Variants in SCARF2 observed in about 807,000 individuals in gnomAD.
SCARF2 encodes the protein scavenger receptor class F member 2.
In SCARF2, 39 loss-of-function variants were observed where a neutral mutation model predicts 73.4. The observed-to-expected ratio is 0.53, with a 90% CI of 0.41 to 0.69. The LOEUF is 0.69. SCARF2 is among the 30% of genes least tolerant of loss of function. SCARF2 has a pLI of 0.00. For synonymous variants in SCARF2, 605 were observed against 590.0 expected (o/e 1.03, Z -0.37); for missense variants, 1,148 against 1,303.5 (o/e 0.88, Z 1.84).
rs754068498 is a variant in SCARF2 at position 20,425,680 on chromosome 22, C to A, written c.2296G>T (p.Ala766Ser). 1 of 1,240,450 alleles carries A rather than the reference C, an allele frequency of 8.1e-7. No homozygotes were observed. Among genetic ancestry groups the A allele is most frequent in the Non-Finnish European group, 1.0e-6 (1 of 994,382 alleles). The allele number at this position is 1,240,450 out of a possible 1,614,324, so 76.8% of individuals were successfully genotyped here. A position where few individuals can be genotyped will look rare whatever the true frequency, so the allele number is the denominator to read the frequency against. ...AGCTCAGCGGCCAACATGGAGGCAGCCTCGGGCGCGCTTCGCGGGGGACCG... is the reference window on the plus strand; with the variant it reads ...AGCTCAGCGGCCAACATGGAGGCAGACTCGGGCGCGCTTCGCGGGGGACCG... ...AGGPPRSAPE[A>S]ASMLAAELRG... Residue 766 changes from alanine (A) to serine (S), a missense_variant, in exon 11 of 11, where the codon GCT becomes TCT. Coordinates refer to ENST00000622235, the MANE Select transcript of SCARF2 (RefSeq NM_182895.5). The surrounding 1 kb of genome is among the most constrained non-coding windows in gnomAD (Gnocchi z 4.6).
Position 20,429,589 on chromosome 22 carries a change from C to T in SCARF2, c.1371G>A (p.Leu457=). The change falls in exon 8 of 11, where the codon CTG becomes CTA. Residue 457 remains leucine, a synonymous_variant. Coordinates refer to ENST00000622235, the MANE Select transcript of SCARF2 (RefSeq NM_182895.5). The surrounding 1 kb of genome is among the most constrained non-coding windows in gnomAD (Gnocchi z 5.2). ...CGCAGCAGCAGCCGAGCAGCGAGAGCAGCAGGCAGACGAGCAGGACGAGCA... is the reference window on the plus strand; with the variant it reads ...CGCAGCAGCAGCCGAGCAGCGAGAGTAGCAGGCAGACGAGCAGGACGAGCA... ...GALLVLLVCL[L]LSLLGCCCAC... is the part of the protein sequence containing the mutation. The T allele has an allele frequency of 6.2e-7, 1 of 1,613,472 alleles. No individual in the cohort carries two copies. Among genetic ancestry groups the T allele is most frequent in the Non-Finnish European group, 8.5e-7 (1 of 1,179,912 alleles).
chr22:20,437,697 G>GC lies in SCARF2; in HGVS notation c.57dup (p.Pro20AlafsTer108). ...AGCGACGGCAGCAGCGGTGACGGCGGCCCCCCGGCTCCCCGGCGCCGCGCC... is the reference window on the plus strand; with the variant it reads ...AGCGACGGCAGCAGCGGTGACGGCGGCCCCCCCGGCTCCCCGGCGCCGCGCC... On this transcript the variant is annotated frameshift_variant, in exon 1 of 11. Transcript: ENST00000622235. LOFTEE classifies it high-confidence loss of function. The GC allele has an allele frequency of 2.7e-6, 4 of 1,462,288 alleles. No individual in the cohort carries two copies. The highest frequency in any genetic ancestry group is 3.0e-5 in the East Asian group (1 of 33,172). The allele number at this position is 1,462,288 out of a possible 1,614,324, so 90.6% of individuals were successfully genotyped here.
chr22:20,436,031 C>T (rs2146139520), intron 1 of SCARF2, among the ~76,000 whole-genome samples: 2 of 151,798 alleles, frequency 1.3e-5, no homozygotes, highest in South Asian at 4.2e-4. Context: ...TCCCATCGAC[C>T]CTTGCCACTC....
chr22:20,436,558 C>T (rs943638399), intron 1 of SCARF2, among the ~76,000 whole-genome samples: 7 of 152,068 alleles, frequency 4.6e-5, no homozygotes, highest in African/African-American at 9.7e-5. Context: ...CCCGCGCTGC[C>T]CCCTCGCAGC....
In SCARF2 at chr22:20,429,803, G is replaced by C. The variant is rs1026866059; in HGVS notation, c.1233C>G (p.His411Gln). The change falls in exon 7 of 11, where the codon CAC becomes CAG. Residue 411 changes from histidine (H) to glutamine (Q), a missense_variant. Around this residue, in one of 5 missense-constraint regions of SCARF2, gnomAD observed 372 missense variants for 532.0 expected, o/e 0.70. Coordinates refer to ENST00000622235, the MANE Select transcript of SCARF2 (RefSeq NM_182895.5). The surrounding 1 kb of genome is among the most constrained non-coding windows in gnomAD (Gnocchi z 5.2). Reference sequence around the variant, plus strand: ...TGCAGGCCTGAGCACAGTCCGCGCCGTGGAGTCCGGGCGGGCACGTCACGT... The same window carrying C: ...TGCAGGCCTGAGCACAGTCCGCGCCCTGGAGTCCGGGCGGGCACGTCACGT... The part of the protein sequence containing the change: ...HCNVTCPPGL[H>Q]GADCAQACSC... 1.1e-5 allele frequency: 17 copies of C among 1,613,242 alleles called. No homozygotes were observed. The highest frequency in any genetic ancestry group is 1.4e-5 in the Non-Finnish European group (17 of 1,179,854).
In SCARF2 at chr22:20,425,874, G is replaced by A; in HGVS notation, c.2102C>T (p.Pro701Leu). ...APSPSKRKRT[P>L]SDKSAHTVEH... The stretch of plus-strand genomic sequence containing the variant: ...GACCGTATGCGCCGATTTGTCGCTG[G>A]GCGTCCGTTTCCTCTTGCTGGGGCT... The change falls in exon 11 of 11, where the codon CCC becomes CTC. Residue 701 changes from proline (P) to leucine (L), a missense_variant. Transcript: ENST00000622235. This position sits in a 1 kb window ranked among gnomAD's most constrained non-coding sequence, Gnocchi z 4.6. 6.3e-7 allele frequency: 1 copy of A among 1,597,354 alleles called. No homozygotes were observed. The highest frequency in any genetic ancestry group is 1.1e-5 in the South Asian group (1 of 89,382).
intron 1 of SCARF2, 118 bp downstream of exon 1, chr22:20,437,464 G>A: frequency 1.3e-5 from 14 of 1,119,578 alleles, no homozygotes; most frequent in Non-Finnish European, 1.7e-5. Context: ...CTAGGGAGCC[G>A]AAGGGGCCCA....
At chr22:20,426,815 T>G (rs184033095) in intron 10 of SCARF2, among the ~76,000 whole-genome samples, 6 of 152,064 alleles carry the variant, frequency 3.9e-5, no homozygotes, top group African/African-American at 1.4e-4. Flanking sequence ...TAATCCCAGC[T>G]ACTCGGGAGG....
intron 1 of SCARF2, among the ~76,000 whole-genome samples, chr22:20,437,076 C>G (rs2052708376): frequency 6.6e-6 from 1 of 152,134 alleles, no homozygotes; most frequent in Non-Finnish European, 1.5e-5. Flanking sequence ...TCACCACCCT[C>G]CCACCCGCGC....
intron 9 of SCARF2, among the ~76,000 whole-genome samples, chr22:20,428,749 C>T (rs555877569): frequency 7.2e-5 from 11 of 152,208 alleles, no homozygotes; most frequent in Admixed American, 7.2e-4. Context: ...CACACCCCAC[C>T]CCCCTATCCT....
At position 20,429,112 on chromosome 22, in the gene SCARF2, C is replaced by A; in HGVS notation, c.1540+113G>T. The A allele has an allele frequency of 7.1e-7, 1 of 1,411,694 alleles. No individual in the cohort carries two copies. The highest frequency in any genetic ancestry group is 1.0e-6 in the Non-Finnish European group (1 of 1,004,198). 87.4% of individuals were successfully genotyped at this position (1,411,694 alleles called of 1,614,324 possible). ...ACCTCCTCGCGCCCACGCACATCAA[C>A]ACTCAAGGTCCCCCATTTCCTCACT... On this transcript the variant is annotated intron_variant, in intron 9 of 10. Coordinates refer to ENST00000622235, the MANE Select transcript of SCARF2 (RefSeq NM_182895.5). The surrounding 1 kb of genome is among the most constrained non-coding windows in gnomAD (Gnocchi z 5.2).
chr22:20,426,795 T>G (rs1276613029), intron 10 of SCARF2, among the ~76,000 whole-genome samples: 3 of 151,926 alleles, frequency 2.0e-5, no homozygotes, highest in African/African-American at 4.8e-5. Flanking sequence ...GGCGTGGTCG[T>G]GGGCGCCTGT....
intron 3 of SCARF2, 75 bp downstream of exon 3, chr22:20,431,670 G>GC: frequency 1.8e-4 from 93 of 526,436 alleles, no homozygotes; most frequent in South Asian, 3.8e-4. Context: ...ATCCGACCCC[G>GC]CCCCACCTTG....
At position 20,425,323 on chromosome 22, in the gene SCARF2, G is replaced by T; in HGVS notation, c.*52C>A. 7.6e-7 allele frequency: 1 copy of T among 1,308,606 alleles called. No homozygotes were observed. Among genetic ancestry groups the T allele is most frequent in the Non-Finnish European group, 9.8e-7 (1 of 1,018,836 alleles). 81.1% of individuals were successfully genotyped at this position (1,308,606 alleles called of 1,614,324 possible). A position where few individuals can be genotyped will look rare whatever the true frequency, so the allele number is the denominator to read the frequency against. On this transcript the variant is annotated 3_prime_UTR_variant, in exon 11 of 11. Coordinates refer to ENST00000622235, the MANE Select transcript of SCARF2 (RefSeq NM_182895.5). The surrounding 1 kb of genome is among the most constrained non-coding windows in gnomAD (Gnocchi z 4.6). The stretch of plus-strand genomic sequence containing the variant: ...CCGGTAGCGTGGGAGGTGTGGGGTG[G>T]CGGGCGGCGCTGCGAAGCTGAGGGA...
At position 20,429,669 on chromosome 22, in the gene SCARF2, G is replaced by A. The variant is rs1236344531; in HGVS notation, c.1307-16C>T. ...TGGTTGGTTTCTGTAGGGGGTTATG[G>A]GGTCAGCGCGGTTTCTGGCACCCCC... On this transcript the variant is annotated splice_polypyrimidine_tract_variant and intron_variant, in intron 7 of 10. Transcript: ENST00000622235. The surrounding 1 kb of genome is among the most constrained non-coding windows in gnomAD (Gnocchi z 5.2). 1 of 1,613,998 alleles carries A rather than the reference G, an allele frequency of 6.2e-7. No individual in the cohort carries two copies. The highest frequency in any genetic ancestry group is 8.5e-7 in the Non-Finnish European group (1 of 1,179,956).
At chr22:20,431,875 C>G in intron 2 of SCARF2, 29 bp from the exon 3 acceptor site, 1 of 1,596,078 alleles carries the variant, frequency 6.3e-7, no homozygotes, top group Non-Finnish European at 8.5e-7. Flanking sequence ...AGAGCTGCTG[C>G]GCGTCCTAGC....
Position 20,431,160 on chromosome 22 carries a change from C to A in SCARF2, c.712G>T (p.Ala238Ser). The change falls in exon 4 of 11, where the codon GCG (alanine) becomes TCG (serine). Residue 238 changes from alanine to serine, a missense_variant. Ala to Ser is a moderately conservative substitution (Grantham distance 99). Coordinates refer to ENST00000622235, the MANE Select transcript of SCARF2 (RefSeq NM_182895.5). ...CACTGGCAGTAGCGATCGCAGCGCG[C>A]GCCGAACGTACGCTCGCGGCACTGA... is the stretch of plus-strand genomic sequence containing the variant. ...RCQCRERTFGARCDRYCQCFR... is the reference protein window; with the variant it reads ...RCQCRERTFGSRCDRYCQCFR... 3.8e-6 allele frequency: 6 copies of A among 1,567,302 alleles called. No individual in the cohort carries two copies. Among genetic ancestry groups the A allele is most frequent in the Non-Finnish European group, 5.1e-6 (6 of 1,165,518 alleles).
chr22:20,425,108 C>G lies in SCARF2; in HGVS notation c.*267G>C, dbSNP rs1048586440. The G allele has an allele frequency of 2.6e-6, 1 of 383,166 alleles. No individual in the cohort carries two copies. Among genetic ancestry groups the G allele is most frequent in the Non-Finnish European group, 4.6e-6 (1 of 216,304 alleles). The allele number at this position is 383,166 out of a possible 1,614,324, so 23.7% of individuals were successfully genotyped here. A position where few individuals can be genotyped will look rare whatever the true frequency, so the allele number is the denominator to read the frequency against. On this transcript the variant is annotated 3_prime_UTR_variant, in exon 11 of 11. Coordinates refer to ENST00000622235, the MANE Select transcript of SCARF2 (RefSeq NM_182895.5). This position sits in a 1 kb window ranked among gnomAD's most constrained non-coding sequence, Gnocchi z 4.6. ...TTTGGCCAATGAGACGCTGTCTGGT[C>G]GGAGCGCTCCATAACTCGGCCAATG...
At chr22:20,426,952 T>G (rs2052585451) in intron 10 of SCARF2, among the ~76,000 whole-genome samples, 1 of 149,690 alleles carries the variant, frequency 6.7e-6, no homozygotes, top group Admixed American at 6.7e-5. Flanking sequence ...GCGATAAGGC[T>G]TCTGAGGCTC....
Sources: allele counts gnomAD v4.1 joint callset (sites outside exome capture counted in the v4.1 genomes callset), GRCh38; gene constraint gnomAD v4.1.1; regional missense constraint gnomAD v4.1.1; non-coding constraint Gnocchi (gnomAD v3.1); transcripts MANE v1.5; gene names NCBI Gene and HGNC (gene_info 2026-07-23, HGNC 2026-07-21).